Variants in STAG1 observed in about 807,000 individuals in gnomAD.
STAG1 encodes STAG1 cohesin complex component, also known as cohesin subunit SA-1.
A neutral mutation model predicts 170.9 loss-of-function variants in STAG1; 26 were observed. That is an observed-to-expected ratio of 0.15 (90% CI 0.11 to 0.21). STAG1 has a LOEUF of 0.21. Ranked by LOEUF, STAG1 falls within the 10% of genes least tolerant of loss-of-function variation. The pLI is 1.00. For missense variants in STAG1, 964 were observed against 1,509.5 expected (o/e 0.64, Z 5.99); for synonymous variants, 514 against 497.7 (o/e 1.03, Z -0.44).
intron 1 of STAG1, among the ~76,000 whole-genome samples, chr3:136,695,587 A>C (rs77647066): frequency 6.6e-6 from 1 of 152,084 alleles, no homozygotes; most frequent in African/African-American, 2.4e-5. Flanking sequence ...TCAAACACAC[A>C]AAAGTCGAAA....
At chr3:136,734,108 C>CAAAAAAAAAAAAA (rs11456348) in intron 1 of STAG1, among the ~76,000 whole-genome samples, 2 of 101,772 alleles carry the variant, frequency 2.0e-5, no homozygotes, top group Non-Finnish European at 2.2e-5. Context: ...GACTCCATCT[C>CAAAAAAAAAAAAA]AAAAAAAAAA....
Position 136,596,100 on chromosome 3 carries a change from G to A in STAG1, c.297+8209C>T, listed in dbSNP as rs1427383487. On this transcript the variant is annotated intron_variant, in intron 4 of 33. Coordinates refer to ENST00000383202, the MANE Select transcript of STAG1 (RefSeq NM_005862.3). ...TGTTGAAATGGCAACAAAGGATTCT[G>A]AATATTACATAAATTTATATGATAA... 2.0e-5 allele frequency among the ~76,000 whole-genome samples: 3 copies of A among 152,188 alleles called. No individual in the cohort carries two copies. In the East Asian group the frequency reaches 5.8e-4, roughly 29 times the overall value.
At position 136,736,606 on chromosome 3, in the gene STAG1, C is replaced by T. The variant is rs1172119873; in HGVS notation, c.-84+15589G>A. On this transcript the variant is annotated intron_variant, in intron 1 of 33. Coordinates refer to ENST00000383202, the MANE Select transcript of STAG1 (RefSeq NM_005862.3). The stretch of plus-strand genomic sequence containing the variant: ...TTTCGCCAGCTGTCCACACAACCAT[C>T]TCGACTTTCCTCAAAGTTTTTCTGC... The T allele has an allele frequency of 1.8e-5, 29 of 1,583,916 alleles. No individual in the cohort carries two copies. The Admixed American group carries it at 4.8e-4, about 26-fold the overall frequency.
At chr3:136,695,340 G>A (rs920466432) in intron 1 of STAG1, among the ~76,000 whole-genome samples, 3 of 151,924 alleles carry the variant, frequency 2.0e-5, no homozygotes, top group Non-Finnish European at 2.9e-5. Flanking sequence ...AGGAGGTTGA[G>A]GCAGAAGAAT....
chr3:136,608,257 TC>T (rs1272896814), intron 3 of STAG1, among the ~76,000 whole-genome samples: 83 of 130,406 alleles, frequency 6.4e-4, no homozygotes, highest in African/African-American at 2.3e-3. Context: ...AGACTCCATC[TC>T]AAAAAAAAAA....
At position 136,628,568 on chromosome 3, in the gene STAG1, T is replaced by C. The variant is rs186171756; in HGVS notation, c.29+2302A>G. Among the ~76,000 whole-genome samples, 253 of 152,246 alleles carry C rather than the reference T, an allele frequency of 1.7e-3. No homozygotes were observed. In the South Asian group the frequency reaches 0.025, roughly 15 times the overall value. On this transcript the variant is annotated intron_variant, in intron 2 of 33. Transcript: ENST00000383202. The stretch of plus-strand genomic sequence containing the variant: ...GCCTAATAGCCTGCTCCCTTCTTCT[T>C]CTCCTAAACCCCACTTAAGACCTCA...
chr3:136,664,251 T>C (rs1003881095), intron 1 of STAG1, among the ~76,000 whole-genome samples: 1 of 152,194 alleles, frequency 6.6e-6, no homozygotes, highest in East Asian at 1.9e-4. Context: ...TAGTTATAGA[T>C]TTACAAGTTA....
chr3:136,669,499 G>A (rs573721263), intron 1 of STAG1, among the ~76,000 whole-genome samples: 13 of 151,862 alleles, frequency 8.6e-5, no homozygotes, highest in South Asian at 2.1e-4. Context: ...GATTACAGGC[G>A]CACAACCACC....
chr3:136,419,900 A>G (rs971490668), intron 20 of STAG1, among the ~76,000 whole-genome samples: 6 of 152,256 alleles, frequency 3.9e-5, no homozygotes, highest in Non-Finnish European at 7.4e-5. Context: ...GTATATATTC[A>G]TTACATTAAG....
chr3:136,541,979 A>G (rs1935926781), intron 6 of STAG1, 140 bp downstream of exon 6: 2 of 647,806 alleles, frequency 3.1e-6, no homozygotes, highest in Non-Finnish European at 5.3e-6. Context: ...TGGAATTAGT[A>G]CCACAGATTA....
intron 1 of STAG1, among the ~76,000 whole-genome samples, chr3:136,699,365 C>T (rs1942982341): frequency 6.6e-6 from 1 of 152,046 alleles, no homozygotes; most frequent in African/African-American, 2.4e-5. Context: ...TTATTACTAT[C>T]TCTAGAATTA....
intron 1 of STAG1, among the ~76,000 whole-genome samples, chr3:136,736,258 C>A (rs1157150470): frequency 6.6e-6 from 1 of 152,182 alleles, no homozygotes; most frequent in Non-Finnish European, 1.5e-5. Context: ...AATGGCGGCA[C>A]CTTCTAATCC....
intron 9 of STAG1, among the ~76,000 whole-genome samples, chr3:136,485,446 G>A (rs2089988669): frequency 6.6e-6 from 1 of 152,020 alleles, no homozygotes; most frequent in South Asian, 2.1e-4. Context: ...GACAGAGTGA[G>A]ATTCTGTCTA....
intron 7 of STAG1, among the ~76,000 whole-genome samples, chr3:136,508,857 CGTGT>C (rs578218669): frequency 1.1e-4 from 16 of 152,158 alleles, no homozygotes; most frequent in Middle Eastern, 3.4e-3. Flanking sequence ...AACGTGTGTA[CGTGT>C]GTGTGTGTCT....
At chr3:136,572,558 C>T (rs760611569) in intron 4 of STAG1, among the ~76,000 whole-genome samples, 1 of 130,712 alleles carries the variant, frequency 7.7e-6, no homozygotes, top group Non-Finnish European at 1.5e-5. Context: ...GAGCTGTGAG[C>T]GTGCCACTGC....
chr3:136,556,719 A>G (rs1936635899), intron 5 of STAG1, among the ~76,000 whole-genome samples: 1 of 151,930 alleles, frequency 6.6e-6, no homozygotes. Context: ...AGTAACTGAG[A>G]CTACAGGCAC....
At chr3:136,466,375 A>C (rs1302662561) in intron 12 of STAG1, among the ~76,000 whole-genome samples, 1 of 152,230 alleles carries the variant, frequency 6.6e-6, no homozygotes, top group African/African-American at 2.4e-5. Flanking sequence ...TCAGTAGCCA[A>C]TTCGATCAAC....
At chr3:136,382,264 C>G (rs1938009316) in intron 22 of STAG1, among the ~76,000 whole-genome samples, 1 of 152,078 alleles carries the variant, frequency 6.6e-6, no homozygotes, top group African/African-American at 2.4e-5. Context: ...GCAAATGTGT[C>G]TTATGTAAAA....
chr3:136,565,039 C>A (rs1937010140), intron 5 of STAG1, among the ~76,000 whole-genome samples: 1 of 45,076 alleles, frequency 2.2e-5, no homozygotes, highest in African/African-American at 1.2e-4. Flanking sequence ...GGCAGGCAGG[C>A]AGAAGGGAGG....
Sources: allele counts gnomAD v4.1 joint callset (sites outside exome capture counted in the v4.1 genomes callset), GRCh38; gene constraint gnomAD v4.1.1; transcripts MANE v1.5; gene names NCBI Gene and HGNC (gene_info 2026-07-23, HGNC 2026-07-21).